The following PPA2 variants were observed in gnomAD, a reference collection of about 807,000 sequenced individuals.
The protein encoded by PPA2 is inorganic pyrophosphatase 2.
PPA2 carries 48 observed loss-of-function variants against 49.5 expected under a neutral mutation model. That is an observed-to-expected ratio of 0.97 (90% CI 0.77 to 1.23). The LOEUF (loss-of-function observed/expected upper bound fraction) is 1.23, where lower values mean the gene tolerates loss of function less well. Among genes scored for constraint, PPA2 ranks in the 50% most tolerant of loss-of-function variants. The pLI is 0.00. For synonymous variants in PPA2, 131 were observed against 139.9 expected (o/e 0.94, Z 0.45); for missense variants, 429 against 410.1 (o/e 1.05, Z -0.40).
chr4:105,377,781 T>A (rs1446015029), intron 10 of PPA2, among the ~76,000 whole-genome samples: 3 of 152,166 alleles, frequency 2.0e-5, no homozygotes. Context: ...AAATTTTATA[T>A]AAATGGTATG....
intron 5 of PPA2, among the ~76,000 whole-genome samples, chr4:105,445,165 C>T (rs927566932): frequency 1.3e-5 from 2 of 152,140 alleles, no homozygotes; most frequent in African/African-American, 4.8e-5. Context: ...AATACATGCA[C>T]CTTAGTTTAT....
intron 10 of PPA2, among the ~76,000 whole-genome samples, chr4:105,383,618 C>T (rs1485959911): frequency 6.6e-6 from 1 of 152,200 alleles, no homozygotes; most frequent in African/African-American, 2.4e-5. Flanking sequence ...TCTCAATCAA[C>T]ACACCCTGAG....
rs867722071 is a variant in PPA2 at position 105,446,467 on chromosome 4, T to C, written c.357A>G (p.Gln119=). 1.2e-6 allele frequency: 2 copies of C among 1,606,088 alleles called. No individual in the cohort carries two copies. Among genetic ancestry groups the C allele is most frequent in the South Asian group, 1.1e-5 (1 of 88,884 alleles). ...ATKEPMNPIK[Q]YVKDGKLRYV... Reference sequence around the variant, plus strand: ...AGCGTAGCTTTCCATCCTTTACATATTGTTTAATGGGATTCATTGGCTCCT... The same window carrying C: ...AGCGTAGCTTTCCATCCTTTACATACTGTTTAATGGGATTCATTGGCTCCT... Residue 119 remains glutamine, a synonymous_variant, in exon 5 of 12, where the codon CAA becomes CAG. Coordinates refer to ENST00000341695, the MANE Select transcript of PPA2 (RefSeq NM_176869.3).
intron 1 of PPA2, among the ~76,000 whole-genome samples, chr4:105,466,958 T>G (rs1044115829): frequency 6.6e-6 from 1 of 152,212 alleles, no homozygotes; most frequent in Non-Finnish European, 1.5e-5. Context: ...TGCAAACGCT[T>G]GAGCCCACTC....
rs7679446 is a variant in PPA2 at position 105,403,821 on chromosome 4, A to G, written c.656-4657T>C. ...TTTTTTCCTTCACTGGGGATACTGTATATCTTTCATATAACCAAATTTCCT... is the reference window on the plus strand; with the variant it reads ...TTTTTTCCTTCACTGGGGATACTGTGTATCTTTCATATAACCAAATTTCCT... On this transcript the variant is annotated intron_variant, in intron 7 of 11. Transcript: ENST00000341695. 9.5e-3 allele frequency among the ~76,000 whole-genome samples: 1,450 copies of G among 152,056 alleles called. 28 individuals carry two copies. Among genetic ancestry groups the G allele is most frequent in the African/African-American group, 0.033 (1,370 of 41,490 alleles).
chr4:105,415,036 G>A (rs1259944087), intron 7 of PPA2, among the ~76,000 whole-genome samples: 2 of 152,140 alleles, frequency 1.3e-5, no homozygotes, highest in Non-Finnish European at 2.9e-5. Context: ...TCCCGAGTCT[G>A]GTTAAATCCA....
intron 10 of PPA2, among the ~76,000 whole-genome samples, chr4:105,377,718 C>T (rs1733314232): frequency 6.6e-6 from 1 of 152,136 alleles, no homozygotes; most frequent in African/African-American, 2.4e-5. Context: ...AATCCTCCTT[C>T]CTGGCTCTCT....
chr4:105,414,587 G>A (rs1220477853), intron 7 of PPA2, among the ~76,000 whole-genome samples: 2 of 152,230 alleles, frequency 1.3e-5, no homozygotes, highest in Non-Finnish European at 1.5e-5. Context: ...CAGGAAACAC[G>A]GTGGCACTTA....
chr4:105,432,374 A>C (rs1164760610), intron 6 of PPA2, among the ~76,000 whole-genome samples: 1 of 152,254 alleles, frequency 6.6e-6, no homozygotes, highest in Non-Finnish European at 1.5e-5. Context: ...AAATTAAAGC[A>C]AAAGAACAAA....
intron 10 of PPA2, among the ~76,000 whole-genome samples, chr4:105,377,194 A>G (rs1357494293): frequency 6.6e-6 from 1 of 152,204 alleles, no homozygotes; most frequent in Admixed American, 6.5e-5. Context: ...GGAATGGGTC[A>G]ACTCATAAAG....
At chr4:105,413,722 TACACAGACAAAATA>T (rs1321041384) in intron 7 of PPA2, among the ~76,000 whole-genome samples, 2 of 152,182 alleles carry the variant, frequency 1.3e-5, no homozygotes, top group African/African-American at 4.8e-5. Flanking sequence ...AAAAATTGTA[TACACAGACAAAATA>T]AATTCCACAT....
At chr4:105,377,528 T>G (rs1187571074) in intron 10 of PPA2, among the ~76,000 whole-genome samples, 1 of 152,172 alleles carries the variant, frequency 6.6e-6, no homozygotes, top group Admixed American at 6.6e-5. Context: ...AAAAAAAATT[T>G]TTTTTCAAAA....
chr4:105,377,908 TATACTACAAG>T (rs1267943673), intron 10 of PPA2, among the ~76,000 whole-genome samples: 1 of 152,174 alleles, frequency 6.6e-6, no homozygotes, highest in Non-Finnish European at 1.5e-5. Flanking sequence ...TCCTCATAAA[TATACTACAAG>T]TTGTTTATCC....
At chr4:105,386,515 C>T in intron 10 of PPA2, 52 bp downstream of exon 10, 1 of 1,526,792 alleles carries the variant, frequency 6.5e-7, no homozygotes, top group South Asian at 1.1e-5. Flanking sequence ...TTCTACTAGA[C>T]TTCCTATGAC....
intron 9 of PPA2, among the ~76,000 whole-genome samples, chr4:105,391,344 C>CAAAAA (rs11373169): frequency 0.01 from 1,067 of 102,426 alleles, 33 homozygotes; most frequent in East Asian, 0.027. Context: ...CTTAAAGTAA[C>CAAAAA]AAAAAAAAAA....
intron 10 of PPA2, among the ~76,000 whole-genome samples, chr4:105,381,485 A>G (rs1198657077): frequency 6.6e-6 from 1 of 152,068 alleles, no homozygotes; most frequent in African/African-American, 2.4e-5. Context: ...TGGGATTCTG[A>G]TGAAAAAAAT....
rs192117770 is a variant in PPA2 at position 105,410,358 on chromosome 4, T to C, written c.656-11194A>G. ...ATGAAATAAAGCGAGAAGACAAGAT[T>C]AGAGAAAAAAGGGTGAAAAGAAATG... On this transcript the variant is annotated intron_variant, in intron 7 of 11. Coordinates refer to ENST00000341695, the MANE Select transcript of PPA2 (RefSeq NM_176869.3). Among the ~76,000 whole-genome samples the C allele has an allele frequency of 9.5e-4, 145 of 151,878 alleles. 1 individual carries two copies. The highest frequency in any genetic ancestry group is 3.4e-3 in the Middle Eastern group (1 of 294).
Position 105,393,938 on chromosome 4 carries a change from T to C in PPA2, c.869+2311A>G, listed in dbSNP as rs554664881. 3.9e-5 allele frequency among the ~76,000 whole-genome samples: 6 copies of C among 152,340 alleles called. No individual in the cohort carries two copies. In the South Asian group the frequency reaches 1.2e-3, roughly 32 times the overall value. On this transcript the variant is annotated intron_variant, in intron 9 of 11. Coordinates refer to ENST00000341695, the MANE Select transcript of PPA2 (RefSeq NM_176869.3). ...AATGGATTAAAATGAGTTAAAATTC[T>C]GAAGCTCTTGACTTTAAATTTTCTA...
chr4:105,461,410 G>C (rs1560643187), intron 1 of PPA2, among the ~76,000 whole-genome samples: 1 of 152,208 alleles, frequency 6.6e-6, no homozygotes, highest in Non-Finnish European at 1.5e-5. Context: ...TATCAGGAGG[G>C]AACGCTGGTC....
Sources: allele counts gnomAD v4.1 joint callset (sites outside exome capture counted in the v4.1 genomes callset), GRCh38; gene constraint gnomAD v4.1.1; transcripts MANE v1.5; gene names NCBI Gene and HGNC (gene_info 2026-07-23, HGNC 2026-07-21).